Variants in TRPM3 observed in about 807,000 individuals in gnomAD.
TRPM3 encodes the protein transient receptor potential cation channel subfamily M member 3, also known as long transient receptor potential channel 3.
A neutral mutation model predicts 181.2 loss-of-function variants in TRPM3; 77 were observed. That is an observed-to-expected ratio of 0.42 (90% CI 0.35 to 0.51). TRPM3 has a LOEUF of 0.51. TRPM3 is among the 20% of genes least tolerant of loss of function. The probability of loss-of-function intolerance (pLI) is 0.01; values close to 1 mark genes in which losing one functional copy is unlikely to be tolerated. For missense variants in TRPM3, 1,759 were observed against 2,196.7 expected (o/e 0.80, Z 3.98); for synonymous variants, 745 against 796.4 (o/e 0.94, Z 1.09).
intron 1 of TRPM3, among the ~76,000 whole-genome samples, chr9:71,037,612 T>C (rs1169656934): frequency 2.0e-5 from 3 of 152,268 alleles, no homozygotes; most frequent in Non-Finnish European, 2.9e-5. Flanking sequence ...TCTTGCTTAC[T>C]GCAGTCTTAC....
intron 8 of TRPM3, among the ~76,000 whole-genome samples, chr9:70,750,372 C>A (rs960697886): frequency 6.6e-6 from 1 of 152,122 alleles, no homozygotes; most frequent in Non-Finnish European, 1.5e-5. Context: ...GGCCTCAAAG[C>A]CACATTAAAT....
intron 1 of TRPM3, among the ~76,000 whole-genome samples, chr9:71,149,737 G>T (rs2075625587): frequency 6.6e-6 from 1 of 152,138 alleles, no homozygotes; most frequent in Non-Finnish European, 1.5e-5. Context: ...ACTTTGGGAG[G>T]CTGAGGCGGA....
intron 7 of TRPM3, among the ~76,000 whole-genome samples, chr9:70,776,769 T>A (rs1183094365): frequency 6.6e-6 from 1 of 152,196 alleles, no homozygotes; most frequent in Non-Finnish European, 1.5e-5. Context: ...TACAGAGGGC[T>A]TGTGGTAACA....
chr9:71,432,896 C>T (rs1454893718), intron 1 of TRPM3, among the ~76,000 whole-genome samples: 2 of 151,864 alleles, frequency 1.3e-5, no homozygotes, highest in African/African-American at 4.8e-5. Context: ...ATAAAGACAA[C>T]AACAACAAAA....
chr9:70,570,302 G>GTTTTTTTTTTT (rs142779238), intron 22 of TRPM3, among the ~76,000 whole-genome samples: 1 of 68,376 alleles, frequency 1.5e-5, no homozygotes, highest in Admixed American at 2.2e-4. Context: ...TATTACTAGA[G>GTTTTTTTTTTT]TTTTTTTTTT....
chr9:70,830,894 C>G (rs987699175), intron 5 of TRPM3, among the ~76,000 whole-genome samples: 1 of 152,042 alleles, frequency 6.6e-6, no homozygotes, highest in South Asian at 2.1e-4. Context: ...TCTATTTTAC[C>G]AACTATAAGC....
chr9:71,322,516 T>G (rs1281782910), intron 1 of TRPM3, among the ~76,000 whole-genome samples: 1 of 152,108 alleles, frequency 6.6e-6, no homozygotes, highest in Non-Finnish European at 1.5e-5. Context: ...TACAGCAAAG[T>G]TAGACTATAC....
At chr9:70,807,863 GGA>G (rs1001526802) in intron 6 of TRPM3, among the ~76,000 whole-genome samples, 5 of 152,104 alleles carry the variant, frequency 3.3e-5, no homozygotes, top group Non-Finnish European at 7.4e-5. Flanking sequence ...ACTAGGGATG[GGA>G]GTTGTGGTAA....
intron 1 of TRPM3, among the ~76,000 whole-genome samples, chr9:71,369,502 T>C (rs569269843): frequency 6.6e-6 from 1 of 152,158 alleles, no homozygotes; most frequent in Non-Finnish European, 1.5e-5. Context: ...TCTGATTTGC[T>C]GAGAATGGTC....
At chr9:70,770,010 C>G (rs13298973) in intron 7 of TRPM3, among the ~76,000 whole-genome samples, 6 of 152,072 alleles carry the variant, frequency 3.9e-5, no homozygotes, top group Admixed American at 3.9e-4. Context: ...TACAATCCAG[C>G]AATTTGGTTT....
At chr9:71,402,827 C>A (rs1050104442) in intron 1 of TRPM3, among the ~76,000 whole-genome samples, 4 of 152,112 alleles carry the variant, frequency 2.6e-5, no homozygotes, top group African/African-American at 9.7e-5. Flanking sequence ...TTACACTAAT[C>A]TTATCAGTGT....
rs759175641 is a variant in TRPM3, at chr9:71,158,042, A to G, written c.183+288611T>C. On this transcript the variant is annotated intron_variant, in intron 1 of 24. Transcript: ENST00000357533. ...AATGAACTTTTCTTATCGAAAACCT[A>G]ATTATAATATTGTACAGTAAGACAT... 3.0e-4 allele frequency among the ~76,000 whole-genome samples: 46 copies of G among 152,144 alleles called. 1 individual carries two copies. The highest frequency in any genetic ancestry group is 7.4e-5 in the Non-Finnish European group (5 of 68,008).
intron 1 of TRPM3, among the ~76,000 whole-genome samples, chr9:71,221,722 G>T (rs2080252929): frequency 6.6e-6 from 1 of 152,238 alleles, no homozygotes; most frequent in Non-Finnish European, 1.5e-5. Context: ...CAGGTCACGG[G>T]ACTAAACACA....
intron 1 of TRPM3, among the ~76,000 whole-genome samples, chr9:70,999,666 TAA>T (rs2097578480): frequency 1.3e-5 from 2 of 152,334 alleles, no homozygotes; most frequent in Admixed American, 1.3e-4. Flanking sequence ...GATGGCATTT[TAA>T]GTTTTTGTTC....
chr9:70,799,360 C>T (rs763023073), intron 6 of TRPM3, among the ~76,000 whole-genome samples: 1 of 152,154 alleles, frequency 6.6e-6, no homozygotes, highest in Non-Finnish European at 1.5e-5. Flanking sequence ...GGTATTTCAT[C>T]CAATTTCTGA....
At chr9:71,180,743 T>C (rs1038634291) in intron 1 of TRPM3, among the ~76,000 whole-genome samples, 1 of 152,176 alleles carries the variant, frequency 6.6e-6, no homozygotes, top group Non-Finnish European at 1.5e-5. Context: ...ATAAGATTTC[T>C]CTTTGTATAA....
intron 1 of TRPM3, among the ~76,000 whole-genome samples, chr9:71,103,741 T>C (rs963833189): frequency 2.0e-5 from 3 of 152,314 alleles, no homozygotes; most frequent in African/African-American, 7.2e-5. Flanking sequence ...CAAGTTTTTA[T>C]CTCCAGCATG....
In TRPM3 at chr9:70,618,987, C is replaced by T. The variant is rs151177976; in HGVS notation, c.2238G>A (p.Thr746=). The T allele has an allele frequency of 1.4e-4, 220 of 1,614,212 alleles. No individual in the cohort carries two copies. The African/African-American group carries it at 1.9e-3, about 14-fold the overall frequency. The change falls in exon 17 of 26, where the codon ACG becomes ACA. Residue 746 remains threonine (T), a synonymous_variant. Coordinates refer to ENST00000677713, the MANE Select transcript of TRPM3 (RefSeq NM_001366145.2). ...TGGCAGCCACGGCAAGCTGCAGGCA[C>T]GTGGCGTTGCTCCAGTTCTTCAGCT... ...TYELKNWSNA[T]CLQLAVAAKH...
At chr9:70,981,450 C>T (rs1335583905) in intron 1 of TRPM3, among the ~76,000 whole-genome samples, 1 of 152,116 alleles carries the variant, frequency 6.6e-6, no homozygotes, top group Non-Finnish European at 1.5e-5. Flanking sequence ...GAGTGTCAGG[C>T]AAGGTCTGAG....
Sources: gnomAD v4.1 joint callset for allele counts (sites outside exome capture counted in the v4.1 genomes callset) on GRCh38, gnomAD v4.1.1 for gene constraint, MANE v1.5 for transcripts, NCBI Gene and HGNC (gene_info 2026-07-23, HGNC 2026-07-21) for gene names.